Variants in CRYZL1 observed in about 807,000 individuals in gnomAD.
CRYZL1 encodes the protein crystallin zeta like 1, also known as ferry endosomal RAB5 effector complex subunit 4.
In CRYZL1, 34 loss-of-function variants were observed where a neutral mutation model predicts 50.6. The observed-to-expected ratio is 0.67, with a 90% CI of 0.51 to 0.89. The LOEUF (loss-of-function observed/expected upper bound fraction) is 0.89, where lower values mean the gene tolerates loss of function less well. Among genes scored for constraint, CRYZL1 ranks in the 40% least tolerant of loss-of-function variants. The pLI is 0.00. For missense variants in CRYZL1, 354 were observed against 402.3 expected, an observed-to-expected ratio of 0.88 and a Z score of 1.03; for synonymous variants, 125 against 134.3, an observed-to-expected ratio of 0.93 and a Z score of 0.48.
intron 8 of CRYZL1, among the ~76,000 whole-genome samples, chr21:33,601,228 C>T (rs1047889791): frequency 4.6e-5 from 7 of 152,090 alleles, no homozygotes; most frequent in African/African-American, 7.2e-5. Context: ...TGAGCCACCA[C>T]GCCCAGCCTG....
Position 33,600,939 on chromosome 21 carries a change from T to TTTTTTTC in CRYZL1, c.577+1294_577+1295insGAAAAAA, listed in dbSNP as rs2086747941. ...ACTGTGCCCGGTCCATAAAGTTTTTTTTTTTTTTTTTTTTGGGGGCGGACT... is the reference window on the plus strand; with the variant it reads ...ACTGTGCCCGGTCCATAAAGTTTTTTTTTTTTCTTTTTTTTTTTTTTGGGGGCGGACT... On this transcript the variant is annotated intron_variant, in intron 8 of 12. Coordinates refer to ENST00000381554, the MANE Select transcript of CRYZL1 (RefSeq NM_145858.3). Among the ~76,000 whole-genome samples the TTTTTTTC allele has an allele frequency of 2.9e-5, 3 of 103,392 alleles. No homozygotes were observed. The Admixed American group carries it at 3.2e-4, about 11-fold the overall frequency. 67.8% of individuals were successfully genotyped at this position (103,392 alleles called of 152,430 possible).
intron 2 of CRYZL1, among the ~76,000 whole-genome samples, chr21:33,628,927 C>T (rs887081028): frequency 1.3e-5 from 2 of 151,796 alleles, no homozygotes; most frequent in Admixed American, 6.6e-5. Flanking sequence ...AGTTTGCTGT[C>T]GCTACAGAGA....
intron 6 of CRYZL1, among the ~76,000 whole-genome samples, chr21:33,605,417 A>G (rs2086799511): frequency 6.6e-6 from 1 of 152,060 alleles, no homozygotes; most frequent in Non-Finnish European, 1.5e-5. Context: ...AATATAGTTT[A>G]AAAAGTTCCG....
intron 3 of CRYZL1, 71 bp from the exon 4 acceptor site, chr21:33,622,139 AG>A (rs1347984873): frequency 2.0e-5 from 24 of 1,223,230 alleles, no homozygotes; most frequent in African/African-American, 3.0e-5. Context: ...ATATGAGGAA[AG>A]CGAGAGTAAA....
intron 4 of CRYZL1, among the ~76,000 whole-genome samples, chr21:33,619,297 C>T (rs1430042884): frequency 6.6e-6 from 1 of 152,192 alleles, no homozygotes; most frequent in African/African-American, 2.4e-5. Context: ...AGGTTATGGA[C>T]TTTGCTGTTT....
At chr21:33,620,557 T>A (rs1601342613) in intron 4 of CRYZL1, among the ~76,000 whole-genome samples, 1 of 149,546 alleles carries the variant, frequency 6.7e-6, no homozygotes, top group Non-Finnish European at 1.5e-5. Context: ...ATGCCTGTAA[T>A]CCCAGCACTT....
intron 4 of CRYZL1, among the ~76,000 whole-genome samples, chr21:33,618,654 G>A (rs1245390212): frequency 1.3e-5 from 2 of 152,256 alleles, no homozygotes; most frequent in East Asian, 3.9e-4. Flanking sequence ...GTAATTCGAA[G>A]CCTGGTATTT....
chr21:33,641,197 C>A, intron 1 of CRYZL1: 6 of 1,550,528 alleles, frequency 3.9e-6, no homozygotes, highest in Non-Finnish European at 5.2e-6. Context: ...CCAGATGATT[C>A]CGCCGTTTAG....
At chr21:33,599,088 T>G in intron 9 of CRYZL1, 62 bp downstream of exon 9, 2 of 1,508,874 alleles carry the variant, frequency 1.3e-6, no homozygotes, top group Non-Finnish European at 1.8e-6. Flanking sequence ...GGTTAAATTT[T>G]TTTTCTTAAA....
At chr21:33,603,282 G>GA (rs1555904449) in intron 7 of CRYZL1, 122 bp downstream of exon 7, 11 of 1,225,054 alleles carry the variant, frequency 9.0e-6, no homozygotes, top group South Asian at 1.5e-5. Flanking sequence ...TAGGACACTG[G>GA]AAAAAAAGTC....
intron 2 of CRYZL1, among the ~76,000 whole-genome samples, chr21:33,630,406 C>T (rs1160677158): frequency 6.6e-6 from 1 of 151,940 alleles, no homozygotes; most frequent in Non-Finnish European, 1.5e-5. Flanking sequence ...GCCAACATGG[C>T]GAAACCCTGT....
chr21:33,624,796 T>C (rs1334255631), intron 2 of CRYZL1, 36 bp from the exon 3 acceptor site: 76 of 1,575,258 alleles, frequency 4.8e-5, no homozygotes, highest in Non-Finnish European at 6.5e-5. Context: ...TATGTTATTT[T>C]ACACATTCCT....
intron 1 of CRYZL1, among the ~76,000 whole-genome samples, chr21:33,632,219 C>A (rs1165520448): frequency 6.7e-6 from 1 of 150,150 alleles, no homozygotes; most frequent in Non-Finnish European, 1.5e-5. Flanking sequence ...GTAATCCTAG[C>A]TACTCAAGAG....
intron 8 of CRYZL1, among the ~76,000 whole-genome samples, chr21:33,600,933 G>GTCCATCTTTTTTTTTTTTTTTT (rs2086747072): frequency 1.7e-5 from 1 of 59,520 alleles, no homozygotes; most frequent in Non-Finnish European, 3.1e-5. Flanking sequence ...GGTCCATAAA[G>GTCCATCTTTTTTTTTTTTTTTT]TTTTTTTTTT....
At chr21:33,614,156 T>A (rs2086902409) in intron 5 of CRYZL1, among the ~76,000 whole-genome samples, 1 of 132,898 alleles carries the variant, frequency 7.5e-6, no homozygotes, top group African/African-American at 2.9e-5. Context: ...CGGCCGACAG[T>A]GCGAGACTCT....
At chr21:33,641,321 A>G (rs1246830435) in intron 1 of CRYZL1, 2 of 1,542,130 alleles carry the variant, frequency 1.3e-6, no homozygotes, top group East Asian at 2.4e-5. Flanking sequence ...AAGAAGTAAC[A>G]GAGAAAGAAA....
In CRYZL1 at chr21:33,622,020, C is replaced by A. The variant is rs1434487759; in HGVS notation, c.193G>T (p.Glu65Ter). 6.2e-7 allele frequency: 1 copy of A among 1,612,380 alleles called. No homozygotes were observed. Among genetic ancestry groups the A allele is most frequent in the Non-Finnish European group, 8.5e-7 (1 of 1,178,656 alleles). The change falls in exon 4 of 13, where the codon GAA (glutamate) becomes TAA (stop). Residue 65 changes from glutamate to a stop codon, truncating the protein, a stop_gained. Coordinates refer to ENST00000381554, the MANE Select transcript of CRYZL1 (RefSeq NM_145858.3). LOFTEE classifies it high-confidence loss of function. ...MKKDLFPVGR[E>*]IAGIVLDVGS... ...CCATCTAATACAATTCCAGCAATTT[C>A]TCTCCCAACAGGAAATAAATCCTTT... is the stretch of plus-strand genomic sequence containing the variant.
chr21:33,604,139 G>A (rs570166181), intron 6 of CRYZL1, among the ~76,000 whole-genome samples: 7 of 151,536 alleles, frequency 4.6e-5, no homozygotes, highest in Middle Eastern at 3.4e-3. Context: ...AGGCCGAGGC[G>A]GGCGGATCAC....
In CRYZL1 at chr21:33,597,277, T is replaced by C. The variant is rs762855457; in HGVS notation, c.798+3A>G. ...GGTAACGCTTTATGGTTTCTGATAGTACCTGAAGGTTTTCTTCTGTTGTTA... is the reference window on the plus strand; with the variant it reads ...GGTAACGCTTTATGGTTTCTGATAGCACCTGAAGGTTTTCTTCTGTTGTTA... On this transcript the variant is annotated splice_donor_region_variant and intron_variant, in intron 10 of 12. Coordinates refer to ENST00000381554, the MANE Select transcript of CRYZL1 (RefSeq NM_145858.3). 2.4e-5 allele frequency: 38 copies of C among 1,613,422 alleles called. No individual in the cohort carries two copies. Among genetic ancestry groups the C allele is most frequent in the Non-Finnish European group, 3.1e-5 (37 of 1,179,584 alleles).
Sources: gnomAD v4.1 joint callset for allele counts (sites outside exome capture counted in the v4.1 genomes callset) on GRCh38, gnomAD v4.1.1 for gene constraint, MANE v1.5 for transcripts, NCBI Gene and HGNC (gene_info 2026-07-23, HGNC 2026-07-21) for gene names.